The following C4orf51 variants were observed in gnomAD, a reference collection of about 807,000 sequenced individuals.
C4orf51 encodes chromosome 4 open reading frame 51, also known as uncharacterized protein C4orf51.
Under a neutral mutation model 25.2 loss-of-function variants are expected in C4orf51, and 25 were observed. The observed-to-expected ratio is 0.99, with a 90% CI of 0.72 to 1.39. C4orf51 has a LOEUF of 1.39. Ranked by LOEUF, C4orf51 falls within the 40% of genes most tolerant of loss-of-function variation. The pLI, the probability that C4orf51 is intolerant of heterozygous loss-of-function variation, is 0.00. For synonymous variants in C4orf51, 100 were observed against 84.5 expected (o/e 1.18, Z -1.01); for missense variants, 252 against 239.6 (o/e 1.05, Z -0.34).
At chr4:145,747,252 T>C (rs994525249) in intron 1 of C4orf51, among the ~76,000 whole-genome samples, 1 of 152,116 alleles carries the variant, frequency 6.6e-6, no homozygotes, top group Non-Finnish European at 1.5e-5. Flanking sequence ...GTGGTAAAAG[T>C]AGGCATCTTT....
chr4:145,748,853 T>TATA (rs1733521736), intron 1 of C4orf51, among the ~76,000 whole-genome samples: 1 of 152,078 alleles, frequency 6.6e-6, no homozygotes, highest in African/African-American at 2.4e-5. Context: ...AGCCATTGGA[T>TATA]ATAATGTTCT....
chr4:145,755,221 A>G (rs1733873420), downstream of C4orf51, among the ~76,000 whole-genome samples: 1 of 152,200 alleles, frequency 6.6e-6, no homozygotes, highest in African/African-American at 2.4e-5. Context: ...CTCTTTTCAT[A>G]AGATGCTTAA....
intron 1 of C4orf51, among the ~76,000 whole-genome samples, chr4:145,690,671 G>A (rs1433372315): frequency 6.6e-6 from 1 of 152,104 alleles, no homozygotes; most frequent in East Asian, 1.9e-4. Context: ...CATAGCCGAA[G>A]AAACTATCAA....
chr4:145,719,384 T>C (rs1578983764), intron 2 of C4orf51, among the ~76,000 whole-genome samples: 1 of 152,234 alleles, frequency 6.6e-6, no homozygotes, highest in Non-Finnish European at 1.5e-5. Flanking sequence ...GGCAGGCGGA[T>C]CACGAGGTCG....
At chr4:145,748,231 A>G (rs1159398482) in intron 1 of C4orf51, among the ~76,000 whole-genome samples, 1 of 151,928 alleles carries the variant, frequency 6.6e-6, no homozygotes, top group Non-Finnish European at 1.5e-5. Flanking sequence ...TATTAGTAGT[A>G]ATGTTTCCTT....
Position 145,765,625 on chromosome 4 carries a change from C to T in C4orf51, n.167-5363C>T. 1 of 1,614,134 alleles carries T rather than the reference C, an allele frequency of 6.2e-7. No homozygotes were observed. Among genetic ancestry groups the T allele is most frequent in the Non-Finnish European group, 8.5e-7 (1 of 1,180,016 alleles). ...GAGATGACCAGCAGATTGTTCCCGC[C>T]CTTGTTTTTCTGGGAGCCATCTGAA... On this transcript the variant is annotated intron_variant and non_coding_transcript_variant, in intron 1 of 1. Coordinates refer to the C4orf51 transcript ENST00000510096. This position sits in a 1 kb window ranked among gnomAD's most constrained non-coding sequence, Gnocchi z 4.7.
chr4:145,770,299 AAAAT>A (rs150231954), intron 1 of C4orf51, among the ~76,000 whole-genome samples: 24,380 of 86,906 alleles, frequency 0.28, 2,469 homozygotes, highest in East Asian at 0.5. Context: ...ACCCTGTCTT[AAAAT>A]AAATAAATAA....
At chr4:145,756,279 A>T (rs1035023237), downstream of C4orf51, among the ~76,000 whole-genome samples, 1 of 152,252 alleles carries the variant, frequency 6.6e-6, no homozygotes, top group African/African-American at 2.4e-5. Flanking sequence ...CAGTGGACAC[A>T]TTATAGAAAA....
chr4:145,695,152 G>C (rs1729966358), intron 1 of C4orf51, among the ~76,000 whole-genome samples: 1 of 152,162 alleles, frequency 6.6e-6, no homozygotes, highest in East Asian at 1.9e-4. Flanking sequence ...AGCTTTTTGA[G>C]GAATTGTCAT....
At position 145,765,594 on chromosome 4, in the gene C4orf51, A is replaced by G; in HGVS notation, n.167-5394A>G. On this transcript the variant is annotated intron_variant and non_coding_transcript_variant, in intron 1 of 1. Coordinates refer to the C4orf51 transcript ENST00000510096. This position sits in a 1 kb window ranked among gnomAD's most constrained non-coding sequence, Gnocchi z 4.7. ...GTTCAGTGAGGGCTGGCTCCCAGGC[A>G]TGACAGAGATGACCAGCAGATTGTT... The G allele has an allele frequency of 1.2e-6, 2 of 1,614,082 alleles. No homozygotes were observed. Among genetic ancestry groups the G allele is most frequent in the Non-Finnish European group, 1.7e-6 (2 of 1,180,012 alleles).
chr4:145,737,530 T>C, downstream of C4orf51, among the ~76,000 whole-genome samples: 1 of 151,634 alleles, frequency 6.6e-6, no homozygotes, highest in East Asian at 2.0e-4. Context: ...GGAGCACATC[T>C]TTGGTAGATT....
In C4orf51 at chr4:145,728,258, G is replaced by A. The variant is rs576425099; in HGVS notation, c.367-911G>A. Among the ~76,000 whole-genome samples the A allele has an allele frequency of 7.9e-5, 12 of 151,542 alleles. No individual in the cohort carries two copies. The South Asian group carries it at 1.7e-3, about 21-fold the overall frequency. ...AACTGCCTTCCCAAAAACTGGCCTC[G>A]TGCCCTAGTAGTGCGTGAGAGTGCC... On this transcript the variant is annotated intron_variant, in intron 3 of 5. Transcript: ENST00000438731.
At chr4:145,704,654 A>G (rs908633486) in intron 2 of C4orf51, among the ~76,000 whole-genome samples, 1 of 152,144 alleles carries the variant, frequency 6.6e-6, no homozygotes, top group Non-Finnish European at 1.5e-5. Flanking sequence ...AATTAGGACA[A>G]ATGTTTTTTC....
intron 1 of C4orf51, among the ~76,000 whole-genome samples, chr4:145,682,073 C>T (rs1426583335): frequency 6.6e-6 from 1 of 152,122 alleles, no homozygotes; most frequent in African/African-American, 2.4e-5. Context: ...AGGAATAGGA[C>T]ATCTGGTGAA....
intron 1 of C4orf51, among the ~76,000 whole-genome samples, chr4:145,749,069 A>ATATATT (rs1553969367): frequency 0.017 from 2,471 of 145,796 alleles, 28 homozygotes; most frequent in Middle Eastern, 0.037. Flanking sequence ...GTGTGTGTAT[A>ATATATT]TATATATATA....
chr4:145,718,248 T>C (rs1356520684), intron 2 of C4orf51, among the ~76,000 whole-genome samples: 2 of 152,228 alleles, frequency 1.3e-5, no homozygotes, highest in African/African-American at 4.8e-5. Flanking sequence ...AGTCCAGATA[T>C]GAAAACGTGT....
rs562781514 is a variant in C4orf51 at position 145,690,257 on chromosome 4, G to A, written c.234-6302G>A. ...GCGGTGGCTAACGTCTGTAATCCCA[G>A]CACTTTGCAAGGCTAAGGCAGGTGG... is the stretch of plus-strand genomic sequence containing the variant. On this transcript the variant is annotated intron_variant, in intron 1 of 5. Transcript: ENST00000438731. Among the ~76,000 whole-genome samples, 166 of 152,054 alleles carry A rather than the reference G, an allele frequency of 1.1e-3. 6 individuals are homozygous for A. The South Asian group carries it at 0.033, about 30-fold the overall frequency.
chr4:145,711,512 T>A (rs1456401654), intron 2 of C4orf51, among the ~76,000 whole-genome samples: 1 of 152,182 alleles, frequency 6.6e-6, no homozygotes, highest in African/African-American at 2.4e-5. Flanking sequence ...TCTGGTACTT[T>A]CTTTCTCTTT....
chr4:145,789,389 A>G, the C4orf51 span, among the ~76,000 whole-genome samples: 1 of 152,248 alleles, frequency 6.6e-6, no homozygotes, highest in Non-Finnish European at 1.5e-5. Context: ...AGAGTTTGTT[A>G]AAAGTATATT....
Sources: gnomAD v4.1 joint callset for allele counts (sites outside exome capture counted in the v4.1 genomes callset) on GRCh38, gnomAD v4.1.1 for gene constraint, Gnocchi (gnomAD v3.1) non-coding constraint, MANE v1.5 for transcripts, NCBI Gene and HGNC (gene_info 2026-07-23, HGNC 2026-07-21) for gene names.